Variants in SRPK2 observed in about 807,000 individuals in gnomAD.
SRPK2 encodes SFRS protein kinase 2.
Under a neutral mutation model 90.8 loss-of-function variants are expected in SRPK2, and 21 were observed. The ratio of observed to expected loss-of-function variants is 0.23; its 90% CI spans 0.16 to 0.33. The LOEUF (loss-of-function observed/expected upper bound fraction) is 0.33, where lower values mean the gene tolerates loss of function less well. SRPK2 is among the 10% of genes least tolerant of loss of function. SRPK2 has a pLI of 1.00. For missense variants in SRPK2, 620 were observed against 869.0 expected, an observed-to-expected ratio of 0.71 and a Z score of 3.60; for synonymous variants, 288 against 311.1, an observed-to-expected ratio of 0.93 and a Z score of 0.78.
At chr7:105,274,685 C>A (rs1158761920) in intron 2 of SRPK2, among the ~76,000 whole-genome samples, 1 of 151,526 alleles carries the variant, frequency 6.6e-6, no homozygotes. Flanking sequence ...CACATCCAGA[C>A]AATGACACTT....
At chr7:105,260,547 G>C (rs549853396) in intron 2 of SRPK2, among the ~76,000 whole-genome samples, 6 of 152,234 alleles carry the variant, frequency 3.9e-5, no homozygotes, top group Middle Eastern at 3.4e-3. Flanking sequence ...ATACCCAAAG[G>C]ACTATAAATC....
chr7:105,348,068 C>CTTTTTTT (rs770159031), intron 2 of SRPK2, among the ~76,000 whole-genome samples: 60 of 81,008 alleles, frequency 7.4e-4, no homozygotes, highest in Non-Finnish European at 1.0e-3. Flanking sequence ...GCTTGGCAAA[C>CTTTTTTT]TTTTTTTTTT....
At chr7:105,389,540 T>A, upstream of SRPK2, 1 of 656,674 alleles carries the variant, frequency 1.5e-6, no homozygotes, top group Non-Finnish European at 2.0e-6. Flanking sequence ...CAGATAGCAT[T>A]CAAGGTAGGA....
intron 2 of SRPK2, among the ~76,000 whole-genome samples, chr7:105,377,552 T>C (rs1223718129): frequency 6.6e-6 from 1 of 151,564 alleles, no homozygotes; most frequent in African/African-American, 2.4e-5. Context: ...ATACAAAAAT[T>C]AGCCAGCCGT....
intron 9 of SRPK2, 22 bp downstream of exon 9, chr7:105,145,261 A>G (rs760670734): frequency 2.6e-6 from 4 of 1,565,806 alleles, no homozygotes; most frequent in African/African-American, 2.7e-5. Context: ...GTGCATATAA[A>G]GTAATATGCG....
chr7:105,349,146 A>G lies in SRPK2; in HGVS notation c.71+39502T>C, dbSNP rs1287596646. 3.6e-5 allele frequency among the ~76,000 whole-genome samples: 5 copies of G among 138,482 alleles called. No homozygotes were observed. The East Asian group carries it at 9.6e-4, about 26-fold the overall frequency. The allele number at this position is 138,482 out of a possible 152,430, so 90.8% of individuals were successfully genotyped here. A position where few individuals can be genotyped will look rare whatever the true frequency, so the allele number is the denominator to read the frequency against. On this transcript the variant is annotated intron_variant, in intron 2 of 15. Coordinates refer to ENST00000393651, the MANE Select transcript of SRPK2 (RefSeq NM_182692.3). Reference sequence around the variant, plus strand: ...GGCAACAGAGTGAGATTTTTGTAGAAAGAGAGAAAGAAAGAGGGGGAGGGG... The same window carrying G: ...GGCAACAGAGTGAGATTTTTGTAGAGAGAGAGAAAGAAAGAGGGGGAGGGG...
intron 2 of SRPK2, among the ~76,000 whole-genome samples, chr7:105,210,699 A>C (rs1796746966): frequency 6.6e-6 from 1 of 152,202 alleles, no homozygotes; most frequent in Non-Finnish European, 1.5e-5. Context: ...TCTACACTAC[A>C]TGCCAAAGGG....
At chr7:105,176,587 ATATGTG>A (rs762177348) in intron 3 of SRPK2, among the ~76,000 whole-genome samples, 17 of 96,460 alleles carry the variant, frequency 1.8e-4, no homozygotes, top group Non-Finnish European at 2.5e-4. Flanking sequence ...GTGTATGTAT[ATATGTG>A]TGTGTGTGTG....
At chr7:105,174,278 CT>C (rs1299548592) in intron 3 of SRPK2, among the ~76,000 whole-genome samples, 2 of 152,050 alleles carry the variant, frequency 1.3e-5, no homozygotes, top group African/African-American at 4.8e-5. Context: ...TCCTTTTTAC[CT>C]ATTTGGGAGA....
chr7:105,312,935 G>A (rs1023953210), intron 2 of SRPK2, among the ~76,000 whole-genome samples: 10 of 152,036 alleles, frequency 6.6e-5, no homozygotes, highest in African/African-American at 2.2e-4. Context: ...ACCACACCAG[G>A]CAAGAAAGTT....
chr7:105,222,064 T>G (rs35531330), intron 2 of SRPK2, among the ~76,000 whole-genome samples: 26 of 152,208 alleles, frequency 1.7e-4, no homozygotes, highest in Non-Finnish European at 3.5e-4. Context: ...ACTGAACCAT[T>G]CCTTTGTTTC....
chr7:105,278,028 T>C (rs921797732), intron 2 of SRPK2, among the ~76,000 whole-genome samples: 1 of 152,136 alleles, frequency 6.6e-6, no homozygotes, highest in Non-Finnish European at 1.5e-5. Context: ...GAATAATTAT[T>C]TGAGGCCAGG....
chr7:105,355,979 C>G (rs1394104613), intron 2 of SRPK2, among the ~76,000 whole-genome samples: 3 of 152,090 alleles, frequency 2.0e-5, no homozygotes, highest in African/African-American at 7.2e-5. Context: ...AACTGGAAGG[C>G]AGAAGTTTCA....
rs150743752 is a variant in SRPK2, at chr7:105,141,975, G to A, written c.1543+33C>T. 1,253 of 1,577,330 alleles carry A rather than the reference G, an allele frequency of 7.9e-4. 3 individuals are homozygous for A. The highest frequency in any genetic ancestry group is 1.0e-3 in the Non-Finnish European group (1,179 of 1,162,662). ...TTAAAGGCACGTCCCTGGAGTCAGCGATGGCAGACAGTTGATGGGAAGAAA... is the reference window on the plus strand; with the variant it reads ...TTAAAGGCACGTCCCTGGAGTCAGCAATGGCAGACAGTTGATGGGAAGAAA... On this transcript the variant is annotated intron_variant, in intron 11 of 15. Transcript: ENST00000393651.
At chr7:105,385,316 G>A (rs1319003005) in intron 2 of SRPK2, among the ~76,000 whole-genome samples, 5 of 150,902 alleles carry the variant, frequency 3.3e-5, no homozygotes, top group Non-Finnish European at 7.4e-5. Context: ...GAGTAGCTGA[G>A]ACTACAGGCG....
chr7:105,388,702 A>G lies in SRPK2; in HGVS notation c.17T>C (p.Val6Ala). ...CCGCTTTCGGGCCTGAATGGCCAGC[A>G]CTGGGGAAGAGAAGACACACATTAA... is the stretch of plus-strand genomic sequence containing the variant. The part of the protein sequence containing the change: MSSRK[V>A]LAIQARKRRP... The change falls in exon 2 of 16, where the codon GTG becomes GCG. Residue 6 changes from valine to alanine, a missense_variant and splice_region_variant. Coordinates refer to ENST00000393651, the MANE Select transcript of SRPK2 (RefSeq NM_182692.3). 6.3e-7 allele frequency: 1 copy of G among 1,581,784 alleles called. No individual in the cohort carries two copies.
chr7:105,244,295 C>A (rs907288056), intron 2 of SRPK2, among the ~76,000 whole-genome samples: 2 of 152,198 alleles, frequency 1.3e-5, no homozygotes, highest in African/African-American at 4.8e-5. Context: ...CAGGGCCGGG[C>A]GCGGTGGCTC....
At chr7:105,234,674 T>C (rs751855853) in intron 2 of SRPK2, among the ~76,000 whole-genome samples, 24 of 152,254 alleles carry the variant, frequency 1.6e-4, no homozygotes, top group Non-Finnish European at 2.4e-4. Context: ...TAGCTATGTA[T>C]TGCGTTGGAG....
intron 2 of SRPK2, among the ~76,000 whole-genome samples, chr7:105,221,558 A>G (rs539059453): frequency 6.6e-6 from 1 of 152,196 alleles, no homozygotes; most frequent in South Asian, 2.1e-4. Context: ...AACCATACCT[A>G]TTTGCCAAGG....
Sources: gnomAD v4.1 joint callset for allele counts (sites outside exome capture counted in the v4.1 genomes callset) on GRCh38, gnomAD v4.1.1 for gene constraint, MANE v1.5 for transcripts, NCBI Gene and HGNC (gene_info 2026-07-23, HGNC 2026-07-21) for gene names.